Variants in CEP41 observed in about 807,000 individuals in gnomAD.
CEP41 encodes centrosomal protein 41.
CEP41 carries 32 observed loss-of-function variants against 44.3 expected under a neutral mutation model. The observed-to-expected ratio is 0.72, with a 90% CI of 0.54 to 0.97. The LOEUF is 0.97. Among genes scored for constraint, CEP41 ranks in the 50% least tolerant of loss-of-function variants. CEP41 has a pLI of 0.00. For missense variants in CEP41, 432 were observed against 455.2 expected (o/e 0.95, Z 0.46); for synonymous variants, 151 against 168.5 (o/e 0.90, Z 0.80).
intron 2 of CEP41, chr7:130,419,655 A>C (rs975386507): frequency 1.0e-6 from 1 of 985,276 alleles, no homozygotes; most frequent in African/African-American, 1.7e-5. Flanking sequence ...AAAGAAAAAA[A>C]AAAGTCAGTG....
At chr7:130,412,145 G>A in intron 4 of CEP41, 34 bp downstream of exon 4, 1 of 1,195,862 alleles carries the variant, frequency 8.4e-7, no homozygotes, top group Non-Finnish European at 1.3e-6. Context: ...AAATTAGACA[G>A]ACTTTACTCC....
In CEP41 at chr7:130,395,583, C is replaced by G. The variant is rs1554414156; in HGVS notation, c.*3308G>C. Reference sequence around the variant, plus strand: ...ATAACATAAAAGACAGAATCTATAGCCAATAAACAACATGACAGAAACCAA... The same window carrying G: ...ATAACATAAAAGACAGAATCTATAGGCAATAAACAACATGACAGAAACCAA... On this transcript the variant is annotated 3_prime_UTR_variant, in exon 11 of 11. Coordinates refer to ENST00000223208, the MANE Select transcript of CEP41 (RefSeq NM_018718.3). The G allele has an allele frequency of 2.2e-6, 1 of 454,022 alleles. No homozygotes were observed. The highest frequency in any genetic ancestry group is 4.4e-6 in the Non-Finnish European group (1 of 226,780). The allele number at this position is 454,022 out of a possible 1,614,324, so 28.1% of individuals were successfully genotyped here.
chr7:130,419,060 T>G (rs1439342053), intron 2 of CEP41: 2 of 985,312 alleles, frequency 2.0e-6, no homozygotes, highest in Non-Finnish European at 2.4e-6. Flanking sequence ...TCAGGGTAAT[T>G]ACACTTAACA....
chr7:130,440,723 G>T (rs2117737710), intron 1 of CEP41: 1 of 624,172 alleles, frequency 1.6e-6, no homozygotes, highest in South Asian at 1.9e-5. Flanking sequence ...GTGCGTACGC[G>T]GGGAGAGATC....
chr7:130,403,296 A>C (rs1300777538), intron 6 of CEP41, among the ~76,000 whole-genome samples: 1 of 152,250 alleles, frequency 6.6e-6, no homozygotes, highest in African/African-American at 2.4e-5. Context: ...TTGAGTCTTA[A>C]TACTTACATA....
intron 1 of CEP41, chr7:130,440,589 C>T: frequency 2.0e-6 from 1 of 497,086 alleles, no homozygotes; most frequent in South Asian, 2.1e-5. Flanking sequence ...TCAACACGTG[C>T]CATTAGTGTG....
intron 1 of CEP41, among the ~76,000 whole-genome samples, chr7:130,428,351 G>A (rs1797726008): frequency 6.7e-6 from 1 of 148,388 alleles, no homozygotes; most frequent in South Asian, 2.1e-4. Flanking sequence ...TTGATCCCGG[G>A]AGGCAGAGGC....
intron 7 of CEP41, among the ~76,000 whole-genome samples, chr7:130,402,269 C>T (rs1796867469): frequency 6.6e-6 from 1 of 151,116 alleles, no homozygotes; most frequent in South Asian, 2.1e-4. Flanking sequence ...TCACTTGAGC[C>T]CAGGAAGGCA....
chr7:130,405,644 C>T (rs1796986840), intron 5 of CEP41, among the ~76,000 whole-genome samples: 1 of 151,940 alleles, frequency 6.6e-6, no homozygotes. Context: ...CTCAGTGAAC[C>T]AATATTCTCT....
In CEP41 at chr7:130,410,029, C is replaced by CTTTTTTTTTTTTTTCTT. The variant is rs782636525; in HGVS notation, c.277+1092_277+1093insAAGAAAAAAAAAAAAAA. Reference sequence around the variant, plus strand: ...CCTTGAGGAAGCCTACCTCGGTCTTCTTTTTTTTTTTTTTGAGACAGAGTC... The same window carrying CTTTTTTTTTTTTTTCTT: ...CCTTGAGGAAGCCTACCTCGGTCTTCTTTTTTTTTTTTTTCTTTTTTTTTTTTTTTTGAGACAGAGTC... On this transcript the variant is annotated intron_variant, in intron 5 of 10. Transcript: ENST00000223208. Among the ~76,000 whole-genome samples, 162 of 139,914 alleles carry CTTTTTTTTTTTTTTCTT rather than the reference C, an allele frequency of 1.2e-3. 2 individuals are homozygous for CTTTTTTTTTTTTTTCTT. The highest frequency in any genetic ancestry group is 4.2e-3 in the African/African-American group (159 of 38,088). The allele number at this position is 139,914 out of a possible 152,430, so 91.8% of individuals were successfully genotyped here. A position where few individuals can be genotyped will look rare whatever the true frequency, so the allele number is the denominator to read the frequency against.
rs190897207 is a variant in CEP41, at chr7:130,410,060, G to T, written c.277+1062C>A. Among the ~76,000 whole-genome samples, 197 of 99,426 alleles carry T rather than the reference G, an allele frequency of 2.0e-3. 3 individuals carry two copies. In the East Asian group the frequency reaches 0.042, roughly 21 times the overall value. The allele number at this position is 99,426 out of a possible 152,430, so 65.2% of individuals were successfully genotyped here. A position where few individuals can be genotyped will look rare whatever the true frequency, so the allele number is the denominator to read the frequency against. ...TTTTTTTTTGAGACAGAGTCTTGCT[G>T]TGTTGCCCAGGCTGGAGTGCAATGG... On this transcript the variant is annotated intron_variant, in intron 5 of 10. Coordinates refer to ENST00000223208, the MANE Select transcript of CEP41 (RefSeq NM_018718.3).
chr7:130,421,232 G>A, intron 2 of CEP41: 1 of 985,234 alleles, frequency 1.0e-6, no homozygotes, highest in Non-Finnish European at 1.2e-6. Context: ...TTTATACTGA[G>A]CCAATAAGAA....
At chr7:130,416,989 T>C (rs1268604809) in intron 2 of CEP41, 23 bp from the exon 3 acceptor site, 7 of 1,520,638 alleles carry the variant, frequency 4.6e-6, no homozygotes, top group Non-Finnish European at 6.4e-6. Flanking sequence ...TAAGGGGTTT[T>C]AGATATACTT....
At chr7:130,441,183 C>A (rs1287585495), upstream of CEP41, 3 of 684,120 alleles carry the variant, frequency 4.4e-6, no homozygotes, top group Non-Finnish European at 8.0e-6. Flanking sequence ...CAACGCGGGA[C>A]GCCGGCTAGC....
At chr7:130,415,324 C>CA (rs1797302324) in intron 3 of CEP41, among the ~76,000 whole-genome samples, 1 of 152,148 alleles carries the variant, frequency 6.6e-6, no homozygotes, top group South Asian at 2.1e-4. Context: ...CTTTCAACCC[C>CA]AAATAATACT....
Position 130,397,102 on chromosome 7 carries a change from T to C in CEP41, c.*1789A>G. 2.2e-6 allele frequency: 1 copy of C among 454,388 alleles called. No individual in the cohort carries two copies. The highest frequency in any genetic ancestry group is 4.4e-6 in the Non-Finnish European group (1 of 226,754). The allele number at this position is 454,388 out of a possible 1,614,324, so 28.1% of individuals were successfully genotyped here. A position where few individuals can be genotyped will look rare whatever the true frequency, so the allele number is the denominator to read the frequency against. The stretch of plus-strand genomic sequence containing the variant: ...TTGTCCATGCTAGGGGAAAGCTGAG[T>C]GTGGAAAAATGTGCATTTTTCTATC... On this transcript the variant is annotated 3_prime_UTR_variant, in exon 11 of 11. Transcript: ENST00000223208.
intron 1 of CEP41, among the ~76,000 whole-genome samples, chr7:130,439,622 T>C (rs1022048766): frequency 6.6e-6 from 1 of 152,220 alleles, no homozygotes; most frequent in African/African-American, 2.4e-5. Flanking sequence ...AGTGAGATCA[T>C]GCAGCATTTA....
At chr7:130,437,916 T>A (rs1472898130) in intron 1 of CEP41, among the ~76,000 whole-genome samples, 1 of 152,140 alleles carries the variant, frequency 6.6e-6, no homozygotes, top group Non-Finnish European at 1.5e-5. Flanking sequence ...TAGACATAAA[T>A]TTTTAAAACT....
chr7:130,430,736 A>AT (rs782527935), intron 1 of CEP41, among the ~76,000 whole-genome samples: 35 of 151,808 alleles, frequency 2.3e-4, no homozygotes, highest in Non-Finnish European at 3.4e-4. Flanking sequence ...GGGCTAAGGG[A>AT]TTTTTTTTCT....
Sources: allele counts gnomAD v4.1 joint callset (sites outside exome capture counted in the v4.1 genomes callset), GRCh38; gene constraint gnomAD v4.1.1; transcripts MANE v1.5; gene names NCBI Gene and HGNC (gene_info 2026-07-23, HGNC 2026-07-21).